Variants in PTPRM observed in about 807,000 individuals in gnomAD.
PTPRM encodes the protein protein tyrosine phosphatase receptor type M, also known as receptor-type tyrosine-protein phosphatase mu.
A neutral mutation model predicts 186.7 loss-of-function variants in PTPRM; 47 were observed. The ratio of observed to expected loss-of-function variants is 0.25; its 90% confidence interval spans 0.20 to 0.32. The LOEUF is 0.32. PTPRM is among the 10% of genes least tolerant of loss of function. PTPRM has a pLI of 1.00. For synonymous variants in PTPRM, 668 were observed against 674.9 expected, an observed-to-expected ratio of 0.99 and a Z score of 0.16; for missense variants, 1,494 against 1,865.0, an observed-to-expected ratio of 0.80 and a Z score of 3.66.
chr18:7,692,508 C>T (rs189552059), intron 1 of PTPRM, among the ~76,000 whole-genome samples: 2 of 152,308 alleles, frequency 1.3e-5, no homozygotes, highest in Admixed American at 6.5e-5. Context: ...GTGTGGATAG[C>T]AGAACATTTT....
At chr18:8,184,368 G>A (rs916758302) in intron 14 of PTPRM, among the ~76,000 whole-genome samples, 2 of 152,172 alleles carry the variant, frequency 1.3e-5, no homozygotes, top group Admixed American at 6.5e-5. Context: ...GAAAGTCAGA[G>A]GGTAAAGTCC....
intron 24 of PTPRM, among the ~76,000 whole-genome samples, chr18:8,375,735 T>C (rs1207708290): frequency 6.6e-6 from 1 of 152,194 alleles, no homozygotes; most frequent in African/African-American, 2.4e-5. Flanking sequence ...GACAAACCTT[T>C]AACATAGTCT....
At chr18:7,626,250 G>T (rs2038059840) in intron 1 of PTPRM, among the ~76,000 whole-genome samples, 1 of 152,182 alleles carries the variant, frequency 6.6e-6, no homozygotes. Flanking sequence ...ATATGACATA[G>T]GAAATGCCCT....
At chr18:8,234,738 T>TA (rs34401396) in intron 14 of PTPRM, among the ~76,000 whole-genome samples, 60,529 of 151,786 alleles carry the variant, frequency 0.4, 12,436 homozygotes, top group Middle Eastern at 0.55. Context: ...ATCTTTTTTT[T>TA]ATCAAGTTGA....
intron 7 of PTPRM, among the ~76,000 whole-genome samples, chr18:8,021,411 G>A (rs2085225582): frequency 6.6e-6 from 1 of 151,430 alleles, no homozygotes; most frequent in Non-Finnish European, 1.5e-5. Context: ...GTGCAAGTAT[G>A]TTACCTACAT....
At chr18:7,651,053 T>G (rs1414586977) in intron 1 of PTPRM, among the ~76,000 whole-genome samples, 5 of 151,468 alleles carry the variant, frequency 3.3e-5, no homozygotes, top group African/African-American at 1.2e-4. Flanking sequence ...TGCCTCAGCC[T>G]CCCTAGTAGC....
chr18:8,103,658 C>G (rs1028684582), intron 11 of PTPRM, among the ~76,000 whole-genome samples: 7 of 152,142 alleles, frequency 4.6e-5, no homozygotes, highest in African/African-American at 1.7e-4. Context: ...CTATCCAGAC[C>G]ACTAACACTT....
intron 1 of PTPRM, among the ~76,000 whole-genome samples, chr18:7,570,466 A>G (rs1057334189): frequency 6.6e-6 from 1 of 152,188 alleles, no homozygotes; most frequent in Non-Finnish European, 1.5e-5. Context: ...TTTCTCATAG[A>G]TCCTTAGATG....
intron 9 of PTPRM, among the ~76,000 whole-genome samples, chr18:8,085,320 C>G (rs1256560540): frequency 3.3e-5 from 5 of 151,916 alleles, no homozygotes; most frequent in African/African-American, 1.2e-4. Flanking sequence ...TTGTCAGTAT[C>G]TTATCTGTTT....
At chr18:7,804,425 C>T (rs1295227066) in intron 2 of PTPRM, among the ~76,000 whole-genome samples, 1 of 152,186 alleles carries the variant, frequency 6.6e-6, no homozygotes, top group Non-Finnish European at 1.5e-5. Context: ...AAGCTTGCTT[C>T]TGTAAATAGC....
intron 7 of PTPRM, among the ~76,000 whole-genome samples, chr18:8,027,304 C>T (rs555884040): frequency 9.9e-5 from 15 of 152,232 alleles, no homozygotes; most frequent in African/African-American, 1.4e-4. Flanking sequence ...ACAATTATTT[C>T]GTGATCTTAG....
chr18:8,128,509 T>C (rs974175741), intron 13 of PTPRM, among the ~76,000 whole-genome samples: 7 of 152,186 alleles, frequency 4.6e-5, no homozygotes. Flanking sequence ...TTATTCTTTC[T>C]GCAATACCAG....
At chr18:7,942,719 T>C (rs1487145513) in intron 5 of PTPRM, among the ~76,000 whole-genome samples, 1 of 152,174 alleles carries the variant, frequency 6.6e-6, no homozygotes, top group Non-Finnish European at 1.5e-5. Context: ...GCTTAAATAC[T>C]TAGTATGCCA....
intron 1 of PTPRM, among the ~76,000 whole-genome samples, chr18:7,575,439 G>A (rs1398536618): frequency 6.6e-6 from 1 of 152,164 alleles, no homozygotes; most frequent in Non-Finnish European, 1.5e-5. Context: ...AGTCTTTATT[G>A]TAAAATTGAG....
chr18:7,878,393 G>A (rs900109531), intron 2 of PTPRM, among the ~76,000 whole-genome samples: 2 of 152,174 alleles, frequency 1.3e-5, no homozygotes, highest in Non-Finnish European at 2.9e-5. Context: ...TGATCAAGCA[G>A]TGAAAATTCC....
chr18:8,373,610 C>A (rs1023203297), intron 24 of PTPRM, among the ~76,000 whole-genome samples: 1 of 152,194 alleles, frequency 6.6e-6, no homozygotes, highest in Non-Finnish European at 1.5e-5. Context: ...AGAAGATGAT[C>A]CTCCTGTCTC....
chr18:7,669,396 G>T (rs946880856), intron 1 of PTPRM, among the ~76,000 whole-genome samples: 11 of 152,138 alleles, frequency 7.2e-5, no homozygotes, highest in Non-Finnish European at 7.3e-5. Flanking sequence ...TTAACTGAGA[G>T]GGTTTTGTGA....
intron 1 of PTPRM, among the ~76,000 whole-genome samples, chr18:7,692,524 G>A (rs1383161849): frequency 6.6e-6 from 1 of 152,194 alleles, no homozygotes. Flanking sequence ...ATTTTAATGG[G>A]ATTAAAAAAT....
chr18:8,085,231 C>T (rs1478349840), intron 9 of PTPRM, among the ~76,000 whole-genome samples: 2 of 152,042 alleles, frequency 1.3e-5, no homozygotes, highest in Admixed American at 6.6e-5. Flanking sequence ...TTGATGAAAA[C>T]ACTTCAGTGC....
Sources: gnomAD v4.1 joint callset for allele counts (sites outside exome capture counted in the v4.1 genomes callset) on GRCh38, gnomAD v4.1.1 for gene constraint, MANE v1.5 for transcripts, NCBI Gene and HGNC (gene_info 2026-07-23, HGNC 2026-07-21) for gene names.